Variants in GLI3 observed in about 807,000 individuals in gnomAD.
GLI3 encodes the protein GLI family zinc finger 3, also known as transcription activator GLI3.
GLI3 carries 20 observed loss-of-function variants against 100.8 expected under a neutral mutation model. The observed-to-expected ratio is 0.20, with a 90% CI of 0.14 to 0.29. GLI3 has a LOEUF of 0.29. Among genes scored for constraint, GLI3 ranks in the 10% least tolerant of loss-of-function variants. The probability of loss-of-function intolerance (pLI) is 1.00; values close to 1 mark genes in which losing one functional copy is unlikely to be tolerated. For missense variants in GLI3, 2,040 were observed against 2,128.5 expected (o/e 0.96, Z 0.82); for synonymous variants, 938 against 860.5 (o/e 1.09, Z -1.58).
chr7:42,039,992 G>T, intron 7 of GLI3, 46 bp downstream of exon 7: 1 of 1,411,252 alleles, frequency 7.1e-7, no homozygotes, highest in Non-Finnish European at 1.0e-6. Context: ...AACAAGTGCT[G>T]ACATTACATT....
intron 5 of GLI3, among the ~76,000 whole-genome samples, chr7:42,045,920 C>A (rs1046802364): frequency 6.6e-6 from 1 of 152,120 alleles, no homozygotes; most frequent in Non-Finnish European, 1.5e-5. Flanking sequence ...TGATATCTTT[C>A]CAGACATACT....
intron 2 of GLI3, among the ~76,000 whole-genome samples, chr7:42,201,718 G>C (rs1375913082): frequency 6.6e-6 from 1 of 152,192 alleles, no homozygotes; most frequent in African/African-American, 2.4e-5. Context: ...ACTATACTGA[G>C]TACTGTAGGC....
chr7:42,030,696 G>GTTTTTTTT (rs201325272), intron 7 of GLI3, among the ~76,000 whole-genome samples: 6 of 133,410 alleles, frequency 4.5e-5, no homozygotes, highest in Non-Finnish European at 8.1e-5. Flanking sequence ...TTGTTGATTT[G>GTTTTTTTT]TTTTTTTTTT....
At chr7:42,096,939 A>G (rs1467208773) in intron 3 of GLI3, among the ~76,000 whole-genome samples, 1 of 152,238 alleles carries the variant, frequency 6.6e-6, no homozygotes, top group Non-Finnish European at 1.5e-5. Context: ...ACAAGTTCAC[A>G]GCAGCTGCGG....
chr7:41,990,756 G>A (rs539192404), intron 10 of GLI3, among the ~76,000 whole-genome samples: 1 of 152,088 alleles, frequency 6.6e-6, no homozygotes, highest in Non-Finnish European at 1.5e-5. Context: ...CTACATCCAC[G>A]GTCATGGCTC....
At position 42,130,746 on chromosome 7, in the gene GLI3, C is replaced by T. The variant is rs186105845; in HGVS notation, c.367+17480G>A. On this transcript the variant is annotated intron_variant, in intron 3 of 14. Coordinates refer to ENST00000395925, the MANE Select transcript of GLI3 (RefSeq NM_000168.6). ...GAATAGAAATCATCCATAGAGTTAACGAATGAATCTTCAGATTCAAATGGT... is the reference window on the plus strand; with the variant it reads ...GAATAGAAATCATCCATAGAGTTAATGAATGAATCTTCAGATTCAAATGGT... Among the ~76,000 whole-genome samples, 381 of 152,084 alleles carry T rather than the reference C, an allele frequency of 2.5e-3. 2 individuals carry two copies. Among genetic ancestry groups the T allele is most frequent in the Middle Eastern group, 0.017 (5 of 294 alleles).
intron 1 of GLI3, among the ~76,000 whole-genome samples, chr7:42,235,111 T>C (rs1226306024): frequency 6.6e-6 from 1 of 152,228 alleles, no homozygotes; most frequent in East Asian, 1.9e-4. Flanking sequence ...TTTGAGGCTA[T>C]TTCACTATTT....
chr7:42,216,860 C>T (rs547274649), intron 2 of GLI3, among the ~76,000 whole-genome samples: 197 of 152,236 alleles, frequency 1.3e-3, no homozygotes, highest in Non-Finnish European at 2.2e-3. Context: ...ATAGGTTATG[C>T]GATGGGATAG....
intron 3 of GLI3, among the ~76,000 whole-genome samples, chr7:42,103,465 TA>T (rs35456086): frequency 1.3e-5 from 2 of 149,594 alleles, no homozygotes; most frequent in Admixed American, 6.7e-5. Context: ...TGTATCTTAT[TA>T]AAAAAAAAAG....
intron 3 of GLI3, among the ~76,000 whole-genome samples, chr7:42,143,878 G>A (rs1786632955): frequency 6.6e-6 from 1 of 152,164 alleles, no homozygotes; most frequent in African/African-American, 2.4e-5. Flanking sequence ...AAACTGTAAA[G>A]GAGACCTGAA....
At chr7:42,232,791 C>G (rs979246335) in intron 1 of GLI3, among the ~76,000 whole-genome samples, 1 of 152,130 alleles carries the variant, frequency 6.6e-6, no homozygotes, top group African/African-American at 2.4e-5. Context: ...CCAAAGCCAC[C>G]TTATTAACTA....
chr7:42,219,044 A>G (rs762459849), intron 2 of GLI3, among the ~76,000 whole-genome samples: 17 of 152,232 alleles, frequency 1.1e-4, no homozygotes, highest in Non-Finnish European at 2.4e-4. Flanking sequence ...TTTAGAAAAC[A>G]CAACATGTAG....
At chr7:41,987,023 G>T (rs547284656) in intron 10 of GLI3, among the ~76,000 whole-genome samples, 11 of 151,422 alleles carry the variant, frequency 7.3e-5, no homozygotes, top group African/African-American at 2.4e-4. Context: ...GGTAGGGCCC[G>T]ACAAGTGTTT....
At chr7:42,146,646 T>G (rs1481197142) in intron 3 of GLI3, among the ~76,000 whole-genome samples, 2 of 152,256 alleles carry the variant, frequency 1.3e-5, no homozygotes, top group African/African-American at 4.8e-5. Context: ...CAGGGAGCTT[T>G]GGCTAAGAGT....
chr7:42,255,598 T>C (rs1789077950), intron 1 of GLI3, among the ~76,000 whole-genome samples: 1 of 152,230 alleles, frequency 6.6e-6, no homozygotes, highest in Non-Finnish European at 1.5e-5. Context: ...TCTGGCTTTA[T>C]TTACTTAAAT....
At chr7:42,101,668 T>TTTCATTTA (rs112027334) in intron 3 of GLI3, among the ~76,000 whole-genome samples, 15,913 of 148,002 alleles carry the variant, frequency 0.11, 944 homozygotes, top group African/African-American at 0.17. Flanking sequence ...GCTAGTATCT[T>TTTCATTTA]TTTATTTATT....
chr7:41,990,926 A>G (rs1204873569), intron 10 of GLI3, among the ~76,000 whole-genome samples: 2 of 151,840 alleles, frequency 1.3e-5, no homozygotes, highest in Non-Finnish European at 2.9e-5. Flanking sequence ...ATTGCTGATC[A>G]CAGAAGCACA....
At chr7:42,239,874 CT>C (rs980263641), upstream of GLI3, among the ~76,000 whole-genome samples, 2 of 152,302 alleles carry the variant, frequency 1.3e-5, no homozygotes, top group African/African-American at 4.8e-5. Context: ...CCCACTTTGC[CT>C]GAGTGTGGGT....
chr7:42,184,173 G>A (rs186931495), intron 2 of GLI3, among the ~76,000 whole-genome samples: 22 of 152,330 alleles, frequency 1.4e-4, no homozygotes, highest in Admixed American at 1.2e-3. Flanking sequence ...TCTACCTCCC[G>A]TCATGCTTAG....
Sources: allele counts gnomAD v4.1 joint callset (sites outside exome capture counted in the v4.1 genomes callset), GRCh38; gene constraint gnomAD v4.1.1; transcripts MANE v1.5; gene names NCBI Gene and HGNC (gene_info 2026-07-23, HGNC 2026-07-21).